Variants in WDR27 observed in about 807,000 individuals in gnomAD.
WDR27 encodes the protein WD repeat-containing protein 27.
A neutral mutation model predicts 114.4 loss-of-function variants in WDR27; 100 were observed. The observed-to-expected ratio is 0.87, with a 90% CI of 0.74 to 1.03. The LOEUF is 1.03. WDR27 is among the 50% of genes least tolerant of loss of function. WDR27 has a pLI of 0.00. For synonymous variants in WDR27, 449 were observed against 423.1 expected (o/e 1.06, Z -0.75); for missense variants, 1,129 against 1,092.9 (o/e 1.03, Z -0.47).
intron 25 of WDR27, chr6:169,559,597 T>C (rs1799389417): frequency 6.6e-6 from 1 of 152,060 alleles, no homozygotes; most frequent in Non-Finnish European, 1.5e-5. Flanking sequence ...TGGAACTGAG[T>C]TCTAGTCAAT....
chr6:169,444,669 GTTTTT>G, the WDR27 span, among the ~76,000 whole-genome samples: 1 of 138,808 alleles, frequency 7.2e-6, no homozygotes, highest in Non-Finnish European at 1.6e-5. Flanking sequence ...CTGTTTTTTT[GTTTTT>G]TTTTTTTTCG....
At chr6:169,517,547 G>A (rs929123566) in intron 25 of WDR27, among the ~76,000 whole-genome samples, 1 of 152,130 alleles carries the variant, frequency 6.6e-6, no homozygotes, top group Non-Finnish European at 1.5e-5. Flanking sequence ...ATACATTTAT[G>A]CTATCTTTTA....
At chr6:169,453,476 C>A (rs933051053), downstream of WDR27, among the ~76,000 whole-genome samples, 1 of 152,180 alleles carries the variant, frequency 6.6e-6, no homozygotes, top group South Asian at 2.1e-4. Flanking sequence ...CATGCTGGGA[C>A]ACATTGCCTC....
chr6:169,655,579 A>G (rs1215590466), intron 13 of WDR27, among the ~76,000 whole-genome samples: 1 of 152,242 alleles, frequency 6.6e-6, no homozygotes, highest in Non-Finnish European at 1.5e-5. Context: ...TACTCTACAT[A>G]TAAACAGCCC....
At chr6:169,437,748 AAAC>A in the WDR27 span, among the ~76,000 whole-genome samples, 1 of 152,138 alleles carries the variant, frequency 6.6e-6, no homozygotes, top group Non-Finnish European at 1.5e-5. Flanking sequence ...TAATCTCTAA[AAAC>A]AATTTTTATA....
At chr6:169,449,317 A>G in the WDR27 span, among the ~76,000 whole-genome samples, 5 of 152,176 alleles carry the variant, frequency 3.3e-5, no homozygotes, top group African/African-American at 1.2e-4. Context: ...TTTTCACCTA[A>G]GGTAAATGAT....
chr6:169,645,036 TAAAAA>T lies in WDR27; in HGVS notation c.1658-1255_1658-1251del, dbSNP rs369797685. On this transcript the variant is annotated intron_variant, in intron 16 of 25. Coordinates refer to ENST00000448612, the MANE Select transcript of WDR27 (RefSeq NM_182552.5). ...AAAAAAAAAAAATAAAAAAAAAAAA[TAAAAA>T]AAAAAAAAAAAAAAAAAGAAAATCC... Among the ~76,000 whole-genome samples the T allele has an allele frequency of 3.9e-5, 3 of 76,926 alleles. 1 individual carries two copies. Among genetic ancestry groups the T allele is most frequent in the African/African-American group, 1.1e-4 (2 of 17,714 alleles). 50.5% of individuals were successfully genotyped at this position (76,926 alleles called of 152,430 possible). A position where few individuals can be genotyped will look rare whatever the true frequency, so the allele number is the denominator to read the frequency against.
chr6:169,639,706 C>T (rs1455384712), intron 17 of WDR27, among the ~76,000 whole-genome samples: 1 of 152,134 alleles, frequency 6.6e-6, no homozygotes, highest in Non-Finnish European at 1.5e-5. Context: ...TCTGTCCACT[C>T]CCCACCTCAT....
chr6:169,446,857 C>T, the WDR27 span, among the ~76,000 whole-genome samples: 2 of 152,296 alleles, frequency 1.3e-5, no homozygotes, highest in South Asian at 4.1e-4. Flanking sequence ...AGACAACAGT[C>T]CTGCTCTCAC....
chr6:169,602,538 G>A (rs1210092439), intron 22 of WDR27, among the ~76,000 whole-genome samples: 2 of 152,040 alleles, frequency 1.3e-5, no homozygotes. Flanking sequence ...TCCCAAAGAT[G>A]ACAAAACTAA....
intron 24 of WDR27, 66 bp downstream of exon 24, chr6:169,582,770 G>A: frequency 2.3e-6 from 3 of 1,291,690 alleles, no homozygotes; most frequent in Non-Finnish European, 1.1e-6. Flanking sequence ...AAGTCATAAA[G>A]ATACAAAAAT....
chr6:169,572,775 AT>A (rs1017034771), intron 24 of WDR27, among the ~76,000 whole-genome samples: 106 of 152,242 alleles, frequency 7.0e-4, no homozygotes, highest in African/African-American at 2.4e-3. Flanking sequence ...TTAAAAGTTT[AT>A]TTTTCTCAGT....
At chr6:169,679,242 C>A (rs574458394) in intron 2 of WDR27, among the ~76,000 whole-genome samples, 1 of 152,204 alleles carries the variant, frequency 6.6e-6, no homozygotes, top group African/African-American at 2.4e-5. Flanking sequence ...CTTGGGCACA[C>A]GTTCTCAGGA....
In WDR27 at chr6:169,643,768, G is replaced by A; in HGVS notation, c.1676C>T (p.Ala559Val). 1.9e-6 allele frequency: 3 copies of A among 1,613,106 alleles called. No homozygotes were observed. Among genetic ancestry groups the A allele is most frequent in the Non-Finnish European group, 2.5e-6 (3 of 1,179,514 alleles). ...TAACAGATGGTTGGCCAACCCACAG[G>A]CCAGCCACTGCCCATCTCCTGTTAA... is the stretch of plus-strand genomic sequence containing the variant. ...IQYSGDGQWL[A>V]CGLANHLLLV... Residue 559 changes from alanine (A) to valine (V), a missense_variant, in exon 17 of 26, where the codon GCC (alanine) becomes GTC (valine). Ala to Val is a moderately conservative substitution (Grantham distance 64, BLOSUM62 0). Coordinates refer to ENST00000448612, the MANE Select transcript of WDR27 (RefSeq NM_182552.5).
chr6:169,653,976 TG>T (rs1200456345), intron 13 of WDR27, among the ~76,000 whole-genome samples: 1 of 152,272 alleles, frequency 6.6e-6, no homozygotes, highest in Non-Finnish European at 1.5e-5. Context: ...GGCCGGAAGC[TG>T]TGGATTTGTG....
At chr6:169,449,911 G>T in the WDR27 span, among the ~76,000 whole-genome samples, 1 of 152,212 alleles carries the variant, frequency 6.6e-6, no homozygotes, top group East Asian at 1.9e-4. Flanking sequence ...GCAACAGAGC[G>T]AGAAAGAAGC....
intron 25 of WDR27, among the ~76,000 whole-genome samples, chr6:169,481,474 C>T (rs917858386): frequency 1.3e-5 from 2 of 152,242 alleles, no homozygotes; most frequent in African/African-American, 4.8e-5. Context: ...CTGTGGAAAC[C>T]TTGTTCTTTC....
chr6:169,602,703 GT>G (rs1451004958), intron 22 of WDR27, among the ~76,000 whole-genome samples: 1 of 151,968 alleles, frequency 6.6e-6, no homozygotes, highest in East Asian at 1.9e-4. Flanking sequence ...TCTATCGAGG[GT>G]GGTTAAGTTT....
At chr6:169,687,138 TATA>T (rs1181800100) in intron 2 of WDR27, among the ~76,000 whole-genome samples, 4 of 152,148 alleles carry the variant, frequency 2.6e-5, no homozygotes, top group Non-Finnish European at 4.4e-5. Context: ...AGAAAAAAAC[TATA>T]ATGTTACCAA....
Sources: allele counts gnomAD v4.1 joint callset (sites outside exome capture counted in the v4.1 genomes callset), GRCh38; gene constraint gnomAD v4.1.1; transcripts MANE v1.5; gene names NCBI Gene and HGNC (gene_info 2026-07-23, HGNC 2026-07-21).